The following VIPR2 variants were observed in gnomAD, a reference collection of about 807,000 sequenced individuals.
The protein encoded by VIPR2 is vasoactive intestinal peptide receptor 2.
In VIPR2, 48 loss-of-function variants were observed where a neutral mutation model predicts 58.0. The ratio of observed to expected loss-of-function variants is 0.83; its 90% CI spans 0.66 to 1.05. VIPR2 has a LOEUF of 1.05. Ranked by LOEUF, VIPR2 falls within the 50% of genes least tolerant of loss-of-function variation. The pLI is 0.00. For synonymous variants in VIPR2, 243 were observed against 235.2 expected, an observed-to-expected ratio of 1.03 and a Z score of -0.30; for missense variants, 534 against 558.0, an observed-to-expected ratio of 0.96 and a Z score of 0.43.
Position 159,048,901 on chromosome 7 carries a change from C to T in VIPR2, c.456-5725G>A, listed in dbSNP as rs545565563. Among the ~76,000 whole-genome samples the T allele has an allele frequency of 3.9e-5, 6 of 152,308 alleles. No homozygotes were observed. The South Asian group carries it at 1.2e-3, about 32-fold the overall frequency. On this transcript the variant is annotated intron_variant, in intron 5 of 12. Coordinates refer to ENST00000262178, the MANE Select transcript of VIPR2 (RefSeq NM_003382.5). ...GGGCTTTCTCTAGTTCTTCCACAAA[C>T]CTCTGCTGGGTCCACTTGTTCAAGG...
At position 159,068,489 on chromosome 7, in the gene VIPR2, G is replaced by A. The variant is rs533944210; in HGVS notation, c.358-9911C>T. On this transcript the variant is annotated intron_variant, in intron 4 of 12. Transcript: ENST00000262178. ...CAATGCAGGAAGAGGGTTCCCACAC[G>A]GCCAGCCTTCTGTGTTCCACAGCGT... is the stretch of plus-strand genomic sequence containing the variant. Among the ~76,000 whole-genome samples, 15 of 152,314 alleles carry A rather than the reference G, an allele frequency of 9.8e-5. No homozygotes were observed. The East Asian group carries it at 2.3e-3, about 24-fold the overall frequency.
chr7:159,114,270 G>T (rs1796151496), intron 2 of VIPR2, among the ~76,000 whole-genome samples: 1 of 152,026 alleles, frequency 6.6e-6, no homozygotes, highest in African/African-American at 2.4e-5. Flanking sequence ...GGCACAGGAC[G>T]GCATGGGAGG....
At chr7:159,033,800 AAGAC>A (rs1853735876) in intron 10 of VIPR2, among the ~76,000 whole-genome samples, 1 of 152,168 alleles carries the variant, frequency 6.6e-6, no homozygotes, top group African/African-American at 2.4e-5. Context: ...CAAGGAGAAA[AAGAC>A]AGGCTGTATA....
chr7:159,093,663 G>A lies in VIPR2; in HGVS notation c.357+10094C>T, dbSNP rs1857630051. Among the ~76,000 whole-genome samples the A allele has an allele frequency of 6.6e-6, 1 of 152,094 alleles. No homozygotes were observed. Among genetic ancestry groups the A allele is most frequent in the Admixed American group, 6.5e-5 (1 of 15,278 alleles). Reference sequence around the variant, plus strand: ...CCACAGCGTCCCTGGGTCCAGACATGGAAGACCCCACAGCGTCCCTGGGTT... The same window carrying A: ...CCACAGCGTCCCTGGGTCCAGACATAGAAGACCCCACAGCGTCCCTGGGTT... On this transcript the variant is annotated intron_variant, in intron 4 of 12. Transcript: ENST00000262178. The surrounding 1 kb of genome is among the most constrained non-coding windows in gnomAD (Gnocchi z 6.7).
intron 2 of VIPR2, among the ~76,000 whole-genome samples, chr7:159,126,786 A>C (rs190170625): frequency 3.3e-5 from 5 of 152,336 alleles, no homozygotes; most frequent in Non-Finnish European, 5.9e-5. Context: ...TGGTTTTCAG[A>C]CAAGTTTCTT....
At position 159,096,250 on chromosome 7, in the gene VIPR2, G is replaced by T. The variant is rs966672431; in HGVS notation, c.357+7507C>A. 6.6e-6 allele frequency among the ~76,000 whole-genome samples: 1 copy of T among 152,208 alleles called. No individual in the cohort carries two copies. Among genetic ancestry groups the T allele is most frequent in the Non-Finnish European group, 1.5e-5 (1 of 68,038 alleles). ...CGGAGAGTTTCAACCCCTGCCTGGG[G>T]CCACACACTCCTTCATGCAGAGCCT... On this transcript the variant is annotated intron_variant, in intron 4 of 12. Coordinates refer to ENST00000262178, the MANE Select transcript of VIPR2 (RefSeq NM_003382.5). The surrounding 1 kb of genome is among the most constrained non-coding windows in gnomAD (Gnocchi z 5.5).
chr7:159,113,907 A>T (rs1379561497), intron 2 of VIPR2, among the ~76,000 whole-genome samples: 1 of 152,206 alleles, frequency 6.6e-6, no homozygotes, highest in African/African-American at 2.4e-5. Flanking sequence ...TAGAAATAAA[A>T]TAAATACCAG....
intron 12 of VIPR2, 76 bp from the exon 13 acceptor site, chr7:159,030,865 G>C (rs945534770): frequency 1.4e-6 from 2 of 1,420,486 alleles, no homozygotes; most frequent in African/African-American, 1.5e-5. Context: ...CGCGGCCCGC[G>C]AGCCTCCAGC....
chr7:159,122,449 C>T (rs1006044794), intron 2 of VIPR2, among the ~76,000 whole-genome samples: 14 of 152,302 alleles, frequency 9.2e-5, no homozygotes, highest in South Asian at 6.2e-4. Context: ...CTTGCTTCTG[C>T]GGAGCTCACC....
At chr7:159,066,069 C>G (rs1056464545) in intron 4 of VIPR2, among the ~76,000 whole-genome samples, 3 of 152,258 alleles carry the variant, frequency 2.0e-5, no homozygotes, top group African/African-American at 7.2e-5. Flanking sequence ...CCGCAGCGTC[C>G]GCGGGATTCC....
In VIPR2 at chr7:159,030,270, G is replaced by A. The variant is rs1424947140; in HGVS notation, c.*346C>T. 1.2e-5 allele frequency: 3 copies of A among 242,736 alleles called. No individual in the cohort carries two copies. Among genetic ancestry groups the A allele is most frequent in the Non-Finnish European group, 2.3e-5 (3 of 128,138 alleles). 15.0% of individuals were successfully genotyped at this position (242,736 alleles called of 1,614,324 possible). ...AGGCAGGAGAATGGCGTGAACCCGGGAGGCGGAGCTTGCAGGGAGCAGAGA... is the reference window on the plus strand; with the variant it reads ...AGGCAGGAGAATGGCGTGAACCCGGAAGGCGGAGCTTGCAGGGAGCAGAGA... On this transcript the variant is annotated 3_prime_UTR_variant, in exon 13 of 13. Coordinates refer to ENST00000262178, the MANE Select transcript of VIPR2 (RefSeq NM_003382.5).
chr7:159,064,357 G>C (rs1033508811), intron 4 of VIPR2, among the ~76,000 whole-genome samples: 3 of 152,102 alleles, frequency 2.0e-5, no homozygotes, highest in African/African-American at 7.2e-5. Context: ...CCTCTGTGCA[G>C]AACCCTCCGG....
intron 4 of VIPR2, among the ~76,000 whole-genome samples, chr7:159,086,581 G>A (rs558291458): frequency 3.9e-5 from 6 of 152,336 alleles, no homozygotes; most frequent in South Asian, 2.1e-4. Flanking sequence ...CTCTCAACCC[G>A]GGGGATGTCA....
At chr7:159,101,164 G>A (rs1350147067) in intron 4 of VIPR2, among the ~76,000 whole-genome samples, 4 of 145,114 alleles carry the variant, frequency 2.8e-5, no homozygotes, top group South Asian at 2.3e-4. Context: ...CGACGAGGCC[G>A]TTCCCCCGAC....
chr7:159,062,293 C>T (rs1054425967), intron 4 of VIPR2, among the ~76,000 whole-genome samples: 1 of 152,160 alleles, frequency 6.6e-6, no homozygotes, highest in Non-Finnish European at 1.5e-5. Context: ...GGGGTCCTGG[C>T]GAGGTGTTCG....
At chr7:159,092,896 G>A (rs1405128191) in intron 4 of VIPR2, among the ~76,000 whole-genome samples, 1 of 152,148 alleles carries the variant, frequency 6.6e-6, no homozygotes, top group Admixed American at 6.5e-5. Context: ...GCAGCGTGGA[G>A]CTGCCAGCAA....
intron 4 of VIPR2, among the ~76,000 whole-genome samples, chr7:159,066,134 G>A (rs1396757352): frequency 6.7e-6 from 1 of 149,694 alleles, no homozygotes; most frequent in African/African-American, 2.5e-5. Context: ...ATCCCACGTT[G>A]TCCATGGGAT....
chr7:159,054,619 T>C (rs116529881), intron 5 of VIPR2, among the ~76,000 whole-genome samples: 1,759 of 152,330 alleles, frequency 0.012, 33 homozygotes, highest in African/African-American at 0.04. Context: ...TCTATGTTAT[T>C]ACAGACGCAC....
intron 4 of VIPR2, among the ~76,000 whole-genome samples, chr7:159,071,723 A>C (rs1856403205): frequency 6.6e-6 from 1 of 152,260 alleles, no homozygotes. Context: ...AGGAGCCATG[A>C]AAAGTGCAGT....
Sources: allele counts gnomAD v4.1 joint callset (sites outside exome capture counted in the v4.1 genomes callset), GRCh38; gene constraint gnomAD v4.1.1; non-coding constraint Gnocchi (gnomAD v3.1); transcripts MANE v1.5; gene names NCBI Gene and HGNC (gene_info 2026-07-23, HGNC 2026-07-21).